Variants in SCHIP1 observed in about 807,000 individuals in gnomAD.
The protein encoded by SCHIP1 is schwannomin interacting protein 1.
A neutral mutation model predicts 29.7 loss-of-function variants in SCHIP1; 8 were observed. The ratio of observed to expected loss-of-function variants is 0.27; its 90% CI spans 0.16 to 0.49. The LOEUF is 0.49. Ranked by LOEUF, SCHIP1 falls within the 20% of genes least tolerant of loss-of-function variation. The pLI is 0.99. For missense variants in SCHIP1, 193 were observed against 294.6 expected (o/e 0.66, Z 2.52); for synonymous variants, 76 against 94.9 (o/e 0.80, Z 1.16).
the SCHIP1 span, among the ~76,000 whole-genome samples, chr3:159,320,046 C>T: frequency 2.8e-4 from 43 of 152,204 alleles, no homozygotes; most frequent in African/African-American, 9.2e-4. Flanking sequence ...GAGAGGTGAT[C>T]GGGTCACGAA....
At chr3:159,520,141 A>G in the SCHIP1 span, among the ~76,000 whole-genome samples, 1 of 152,096 alleles carries the variant, frequency 6.6e-6, no homozygotes, top group East Asian at 1.9e-4. Flanking sequence ...AGAAGGCAGA[A>G]ACATAAACAG....
At chr3:159,346,281 TAAA>T in the SCHIP1 span, among the ~76,000 whole-genome samples, 34 of 125,430 alleles carry the variant, frequency 2.7e-4, no homozygotes, top group Admixed American at 3.2e-4. Context: ...TTTTTTTTCT[TAAA>T]AAAAAAAAAA....
the SCHIP1 span, among the ~76,000 whole-genome samples, chr3:159,729,649 G>A: frequency 6.6e-6 from 1 of 152,218 alleles, no homozygotes; most frequent in African/African-American, 2.4e-5. Context: ...CAGAATATAT[G>A]TAACTGAATC....
the SCHIP1 span, among the ~76,000 whole-genome samples, chr3:159,372,724 T>TG: frequency 6.6e-6 from 1 of 152,084 alleles, no homozygotes; most frequent in Non-Finnish European, 1.5e-5. Flanking sequence ...TAAATAGTAT[T>TG]GGGAAAAATC....
At chr3:159,721,728 C>T in the SCHIP1 span, 1 of 428,804 alleles carries the variant, frequency 2.3e-6, no homozygotes, top group Non-Finnish European at 4.6e-6. Context: ...TATTCACAGC[C>T]ATGTTGGTAG....
the SCHIP1 span, among the ~76,000 whole-genome samples, chr3:159,318,759 A>G: frequency 5.3e-5 from 8 of 152,160 alleles, no homozygotes; most frequent in African/African-American, 2.4e-5. Context: ...GATCAGGTAG[A>G]TACCACTTCC....
At chr3:159,364,259 T>G in the SCHIP1 span, among the ~76,000 whole-genome samples, 1 of 152,206 alleles carries the variant, frequency 6.6e-6, no homozygotes, top group Non-Finnish European at 1.5e-5. Context: ...AAAAATAATA[T>G]ATGAGAATGT....
At chr3:159,382,940 T>A in the SCHIP1 span, among the ~76,000 whole-genome samples, 1 of 150,682 alleles carries the variant, frequency 6.6e-6, no homozygotes. Context: ...CTTTGCCCAC[T>A]TTTTGATGGG....
the SCHIP1 span, among the ~76,000 whole-genome samples, chr3:159,478,675 C>T: frequency 6.6e-6 from 1 of 152,066 alleles, no homozygotes; most frequent in Non-Finnish European, 1.5e-5. Context: ...GTACTATGGA[C>T]ATTTTCACAA....
chr3:159,536,443 CAG>C, the SCHIP1 span, among the ~76,000 whole-genome samples: 65 of 152,182 alleles, frequency 4.3e-4, no homozygotes, highest in Admixed American at 4.0e-3. Flanking sequence ...TCTTCTAGGG[CAG>C]AGTCTTACAT....
the SCHIP1 span, among the ~76,000 whole-genome samples, chr3:159,445,386 G>GGA: frequency 6.6e-6 from 1 of 151,246 alleles, no homozygotes; most frequent in Non-Finnish European, 1.5e-5. Flanking sequence ...AACAGGTGCT[G>GGA]GAGAGGATGT....
chr3:159,691,970 C>G, the SCHIP1 span, among the ~76,000 whole-genome samples: 1 of 149,666 alleles, frequency 6.7e-6, no homozygotes, highest in African/African-American at 2.5e-5. Context: ...GAGAGATCTG[C>G]TCTTAGTCTG....
At chr3:159,697,755 T>TA in the SCHIP1 span, among the ~76,000 whole-genome samples, 10 of 148,062 alleles carry the variant, frequency 6.8e-5, no homozygotes, top group Admixed American at 3.4e-4. Context: ...ATGGATAATC[T>TA]AAAAAAAAAA....
At chr3:159,323,887 T>A in the SCHIP1 span, among the ~76,000 whole-genome samples, 1 of 152,116 alleles carries the variant, frequency 6.6e-6, no homozygotes, top group East Asian at 1.9e-4. Context: ...ATGGAGTTGG[T>A]TAGGAGTGCA....
the SCHIP1 span, among the ~76,000 whole-genome samples, chr3:159,617,480 CCAGA>C: frequency 6.6e-6 from 1 of 152,082 alleles, no homozygotes; most frequent in Non-Finnish European, 1.5e-5. Flanking sequence ...AGATTGACCA[CCAGA>C]CAAAGGAAGA....
chr3:159,289,226 C>T, the SCHIP1 span, among the ~76,000 whole-genome samples: 1 of 152,190 alleles, frequency 6.6e-6, no homozygotes, highest in South Asian at 2.1e-4. Context: ...CCAGTGTGAA[C>T]TTATTAAAAC....
the SCHIP1 span, among the ~76,000 whole-genome samples, chr3:159,435,836 C>A: frequency 6.6e-6 from 1 of 152,020 alleles, no homozygotes; most frequent in Non-Finnish European, 1.5e-5. Flanking sequence ...GACTCAAATA[C>A]TTGGAGATAT....
At chr3:159,784,108 A>G in the SCHIP1 span, among the ~76,000 whole-genome samples, 1 of 152,222 alleles carries the variant, frequency 6.6e-6, no homozygotes, top group Admixed American at 6.5e-5. Context: ...AAGGATAATT[A>G]CCGTGTCAGA....
At chr3:159,733,123 A>G in the SCHIP1 span, among the ~76,000 whole-genome samples, 1 of 152,180 alleles carries the variant, frequency 6.6e-6, no homozygotes, top group Admixed American at 6.5e-5. Context: ...ATCCACAGAA[A>G]CATCTCAGAT....
Sources: allele counts gnomAD v4.1 joint callset (sites outside exome capture counted in the v4.1 genomes callset), GRCh38; gene constraint gnomAD v4.1.1; transcripts MANE v1.5; gene names NCBI Gene and HGNC (gene_info 2026-07-23, HGNC 2026-07-21).